TLL2: variants seen among roughly 807,000 people sequenced by gnomAD.
The protein encoded by TLL2 is tolloid like 2.
TLL2 carries 106 observed loss-of-function variants against 123.0 expected under a neutral mutation model. That is an observed-to-expected ratio of 0.86 (90% CI 0.74 to 1.01). The LOEUF is 1.01. Among genes scored for constraint, TLL2 ranks in the 50% least tolerant of loss-of-function variants. TLL2 has a pLI of 0.00. For missense variants in TLL2, 1,332 were observed against 1,336.7 expected (o/e 1.00, Z 0.06); for synonymous variants, 494 against 516.8 (o/e 0.96, Z 0.60).
rs558867171 is a variant in TLL2 at position 96,505,082 on chromosome 10, A to C, written c.175+8429T>G. ...ACCTGCGACTGGGTAATTTATAAGC[A>C]AAAGAGGCTTAATTGACTCGCAGTT... On this transcript the variant is annotated intron_variant, in intron 1 of 20. Coordinates refer to ENST00000357947, the MANE Select transcript of TLL2 (RefSeq NM_012465.4). Among the ~76,000 whole-genome samples, 73 of 152,396 alleles carry C rather than the reference A, an allele frequency of 4.8e-4. 1 individual carries two copies. The South Asian group carries it at 0.011, about 22-fold the overall frequency.
intron 16 of TLL2, among the ~76,000 whole-genome samples, chr10:96,381,206 T>G (rs1157682006): frequency 6.6e-6 from 1 of 152,190 alleles, no homozygotes; most frequent in East Asian, 1.9e-4. Flanking sequence ...CCTGCCCTGC[T>G]GCCCTGGTCC....
intron 4 of TLL2, among the ~76,000 whole-genome samples, chr10:96,430,717 A>G (rs1274925072): frequency 1.3e-5 from 2 of 152,094 alleles, no homozygotes; most frequent in African/African-American, 4.8e-5. Flanking sequence ...CTCTACAAAC[A>G]CTTAAGAAGA....
intron 20 of TLL2, 85 bp downstream of exon 20, chr10:96,369,980 G>T (rs1846063783): frequency 3.4e-6 from 5 of 1,474,104 alleles, no homozygotes; most frequent in South Asian, 1.4e-5. Context: ...AGGTGGCCGG[G>T]ACTGAAAGCC....
chr10:96,489,005 G>A (rs768231471), intron 1 of TLL2, among the ~76,000 whole-genome samples: 52 of 152,228 alleles, frequency 3.4e-4, no homozygotes, highest in South Asian at 8.3e-4. Context: ...GAAGAGCAGG[G>A]CACTAAGGGG....
At chr10:96,466,578 G>T (rs1847133768) in intron 2 of TLL2, among the ~76,000 whole-genome samples, 1 of 152,156 alleles carries the variant, frequency 6.6e-6, no homozygotes, top group African/African-American at 2.4e-5. Flanking sequence ...CCTTCATGCA[G>T]CCTGGGCTTT....
chr10:96,476,240 A>ATATATATATTTTTTTTTTT lies in TLL2; in HGVS notation c.286+4108_286+4109insAAAAAAAAAAATATATATA. Reference sequence around the variant, plus strand: ...TTTATATGTATATATATATATATATATTTTATTTTTGTTGTTGTTGTTGTT... The same window carrying ATATATATATTTTTTTTTTT: ...TTTATATGTATATATATATATATATATATATATATTTTTTTTTTTTTTTATTTTTGTTGTTGTTGTTGTT... On this transcript the variant is annotated intron_variant, in intron 2 of 20. Coordinates refer to ENST00000357947, the MANE Select transcript of TLL2 (RefSeq NM_012465.4). Among the ~76,000 whole-genome samples, 3 of 20,490 alleles carry ATATATATATTTTTTTTTTT rather than the reference A, an allele frequency of 1.5e-4. No individual in the cohort carries two copies. The South Asian group carries it at 5.3e-3, about 36-fold the overall frequency. 13.4% of individuals were successfully genotyped at this position (20,490 alleles called of 152,430 possible).
At chr10:96,395,598 G>C (rs1319204193) in intron 12 of TLL2, among the ~76,000 whole-genome samples, 2 of 152,158 alleles carry the variant, frequency 1.3e-5, no homozygotes, top group African/African-American at 4.8e-5. Context: ...GATAAATAGA[G>C]AAGAACAATT....
chr10:96,490,790 A>G (rs1847404887), intron 1 of TLL2, among the ~76,000 whole-genome samples: 1 of 152,206 alleles, frequency 6.6e-6, no homozygotes, highest in African/African-American at 2.4e-5. Context: ...TAATCCATAG[A>G]CCAGCAGCAT....
intron 2 of TLL2, among the ~76,000 whole-genome samples, chr10:96,474,935 T>C (rs1313831646): frequency 1.3e-5 from 2 of 152,182 alleles, no homozygotes; most frequent in East Asian, 3.8e-4. Context: ...GCCTCTGTCT[T>C]CACATGGCCT....
At position 96,370,055 on chromosome 10, in the gene TLL2, C is replaced by T. The variant is rs766592441; in HGVS notation, c.2913+10G>A. On this transcript the variant is annotated intron_variant, in intron 20 of 20. Coordinates refer to ENST00000357947, the MANE Select transcript of TLL2 (RefSeq NM_012465.4). ...CACTCTGCCCCGGCCCCAGCGTCTC[C>T]GGGACTTACCCCAGAGCCACAGAAG... 1.7e-5 allele frequency: 27 copies of T among 1,570,356 alleles called. No individual in the cohort carries two copies. The South Asian group carries it at 3.2e-4, about 19-fold the overall frequency.
chr10:96,483,151 C>A (rs978026151), intron 1 of TLL2, among the ~76,000 whole-genome samples: 1 of 152,188 alleles, frequency 6.6e-6, no homozygotes, highest in Non-Finnish European at 1.5e-5. Context: ...CTTAAAATGA[C>A]ACAAAATGAC....
intron 1 of TLL2, among the ~76,000 whole-genome samples, chr10:96,511,867 A>C (rs1000945813): frequency 3.9e-5 from 6 of 152,088 alleles, no homozygotes; most frequent in Admixed American, 6.5e-5. Context: ...TGGTCCAGCC[A>C]CTCCCTTTAT....
chr10:96,411,830 C>T (rs150299831), intron 8 of TLL2, among the ~76,000 whole-genome samples: 6 of 152,296 alleles, frequency 3.9e-5, no homozygotes, highest in Non-Finnish European at 4.4e-5. Flanking sequence ...TGGAGAACTG[C>T]CCATTATCGG....
At chr10:96,381,569 A>C (rs1279187150) in intron 16 of TLL2, among the ~76,000 whole-genome samples, 2 of 151,900 alleles carry the variant, frequency 1.3e-5, no homozygotes, top group African/African-American at 4.8e-5. Context: ...ATCCTTTAAA[A>C]CCTGGCTTAG....
chr10:96,512,681 T>C (rs1351731460), intron 1 of TLL2, among the ~76,000 whole-genome samples: 1 of 152,232 alleles, frequency 6.6e-6, no homozygotes, highest in Non-Finnish European at 1.5e-5. Context: ...CACCCCTCTG[T>C]CCGTGCTGGA....
At chr10:96,420,367 C>G (rs1432450344) in intron 7 of TLL2, among the ~76,000 whole-genome samples, 1 of 152,208 alleles carries the variant, frequency 6.6e-6, no homozygotes, top group African/African-American at 2.4e-5. Context: ...CAGACCCTGC[C>G]CATGCCAGCC....
chr10:96,503,078 G>A (rs1236577331), intron 1 of TLL2, among the ~76,000 whole-genome samples: 3 of 152,054 alleles, frequency 2.0e-5, no homozygotes, highest in East Asian at 3.9e-4. Context: ...TGAGAAACCT[G>A]CTTCTACACA....
At chr10:96,442,096 A>C (rs1483072188) in intron 3 of TLL2, among the ~76,000 whole-genome samples, 1 of 152,156 alleles carries the variant, frequency 6.6e-6, no homozygotes, top group Non-Finnish European at 1.5e-5. Flanking sequence ...CCTGAAATGC[A>C]TGCTGAGCTC....
chr10:96,459,783 A>G (rs966781431), intron 2 of TLL2, among the ~76,000 whole-genome samples: 1 of 144,918 alleles, frequency 6.9e-6, no homozygotes, highest in African/African-American at 2.5e-5. Context: ...TGCTAACTCT[A>G]TATATAAAAA....
Sources: gnomAD v4.1 joint callset for allele counts (sites outside exome capture counted in the v4.1 genomes callset) on GRCh38, gnomAD v4.1.1 for gene constraint, MANE v1.5 for transcripts, NCBI Gene and HGNC (gene_info 2026-07-23, HGNC 2026-07-21) for gene names.